Variants in MMP26 observed in about 807,000 individuals in gnomAD.
MMP26 encodes the protein matrix metalloproteinase-26.
A neutral mutation model predicts 31.0 loss-of-function variants in MMP26; 33 were observed. The observed-to-expected ratio is 1.06, with a 90% CI of 0.81 to 1.42. The LOEUF (loss-of-function observed/expected upper bound fraction) is 1.42. Ranked by LOEUF, MMP26 falls within the 40% of genes most tolerant of loss-of-function variation. MMP26 has a pLI of 0.00. For synonymous variants in MMP26, 122 were observed against 114.9 expected (o/e 1.06, Z -0.40); for missense variants, 347 against 316.1 (o/e 1.10, Z -0.74).
intron 2 of MMP26, among the ~76,000 whole-genome samples, chr11:4,952,752 T>G (rs1368969805): frequency 8.0e-6 from 1 of 125,264 alleles, no homozygotes; most frequent in Non-Finnish European, 1.8e-5. Context: ...TATAAAAAGC[T>G]GGGTCATTGT....
rs756743966 is a variant in MMP26 at position 4,882,868 on chromosome 11, G to T, written c.-144-105200G>T. ...GGGGTTTTAATGTGAGGGGTCTTAG[G>T]GGAAGATGGGATTGAAGGTAGGAAA... is the stretch of plus-strand genomic sequence containing the variant. On this transcript the variant is annotated intron_variant, in intron 2 of 7. Coordinates refer to ENST00000380390, the MANE Select transcript of MMP26 (RefSeq NM_021801.5). The T allele has an allele frequency of 1.2e-5, 20 of 1,612,128 alleles. 1 individual carries two copies. The highest frequency in any genetic ancestry group is 1.1e-4 in the East Asian group (5 of 44,792).
intron 2 of MMP26, chr11:4,804,081 G>T (rs1351439027): frequency 6.2e-7 from 1 of 1,614,116 alleles, no homozygotes; most frequent in South Asian, 1.1e-5. Flanking sequence ...CCTGGATGAG[G>T]CAGGCATGGT....
Position 4,864,276 on chromosome 11 carries a change from T to C in MMP26, c.-145+96935T>C, listed in dbSNP as rs11827453. Among the ~76,000 whole-genome samples, 1,019 of 152,310 alleles carry C rather than the reference T, an allele frequency of 6.7e-3. 8 individuals carry two copies. The highest frequency in any genetic ancestry group is 0.023 in the African/African-American group (966 of 41,576). ...TTTAATGTATTTCTCTGTAAGGATG[T>C]TTTGCATTAATGAGGTAATTCTTAA... On this transcript the variant is annotated intron_variant, in intron 2 of 7. Coordinates refer to ENST00000380390, the MANE Select transcript of MMP26 (RefSeq NM_021801.5).
chr11:4,924,493 A>G (rs1282622046), intron 2 of MMP26, among the ~76,000 whole-genome samples: 3 of 152,212 alleles, frequency 2.0e-5, no homozygotes, highest in Non-Finnish European at 4.4e-5. Context: ...GGGCTGATCT[A>G]TTAGCCTTTT....
rs775557340 is a variant in MMP26 at position 4,822,121 on chromosome 11, G to A, written c.-145+54780G>A. The A allele has an allele frequency of 8.7e-6, 14 of 1,612,610 alleles. 1 individual carries two copies. Among genetic ancestry groups the A allele is most frequent in the Non-Finnish European group, 1.2e-5 (14 of 1,179,864 alleles). On this transcript the variant is annotated intron_variant, in intron 2 of 7. Coordinates refer to ENST00000380390, the MANE Select transcript of MMP26 (RefSeq NM_021801.5). Reference sequence around the variant, plus strand: ...ATCTGTCCTCAGCATTGCTTCCTCAGAAGAGAGGCGGAAAGCCTTCAACAC... The same window carrying A: ...ATCTGTCCTCAGCATTGCTTCCTCAAAAGAGAGGCGGAAAGCCTTCAACAC...
chr11:4,852,771 G>T (rs1455272944), intron 2 of MMP26, among the ~76,000 whole-genome samples: 3 of 152,090 alleles, frequency 2.0e-5, no homozygotes, highest in African/African-American at 4.8e-5. Context: ...TCACTCCCGT[G>T]TCCATTGAAG....
chr11:4,878,250 T>C (rs1030029451), intron 2 of MMP26: 3 of 152,212 alleles, frequency 2.0e-5, no homozygotes, highest in East Asian at 1.9e-4. Flanking sequence ...TTCTGTTGTA[T>C]GTCATTTTTT....
chr11:4,969,252 C>G (rs569245678), intron 2 of MMP26, among the ~76,000 whole-genome samples: 1 of 152,024 alleles, frequency 6.6e-6, no homozygotes, highest in African/African-American at 2.4e-5. Context: ...TATTAATGAA[C>G]TCAAGTATAA....
At chr11:4,801,615 T>C (rs147438597) in intron 2 of MMP26, among the ~76,000 whole-genome samples, 2,872 of 151,908 alleles carry the variant, frequency 0.019, 99 homozygotes, top group African/African-American at 0.065. Flanking sequence ...TGATCTCTGC[T>C]CACCGCAACC....
intron 2 of MMP26, chr11:4,973,757 C>T (rs1243202497): frequency 6.2e-6 from 1 of 160,404 alleles, no homozygotes; most frequent in Non-Finnish European, 1.5e-5. Flanking sequence ...GGTACAATTC[C>T]CTAGGATAGC....
At chr11:4,775,848 A>G (rs1848785113) in intron 2 of MMP26, among the ~76,000 whole-genome samples, 2 of 152,140 alleles carry the variant, frequency 1.3e-5, no homozygotes, top group Non-Finnish European at 2.9e-5. Context: ...TGTTACATGC[A>G]TATATTGTAT....
chr11:4,953,190 T>C (rs1229093957), intron 2 of MMP26, among the ~76,000 whole-genome samples: 1 of 125,312 alleles, frequency 8.0e-6, no homozygotes, highest in African/African-American at 2.7e-5. Context: ...AAATAGACAA[T>C]TTAAGAAAAT....
intron 1 of MMP26, among the ~76,000 whole-genome samples, chr11:4,716,917 C>A (rs1847940587): frequency 6.6e-6 from 1 of 152,064 alleles, no homozygotes; most frequent in African/African-American, 2.4e-5. Context: ...CTGCCTCGGC[C>A]TCCCAAAGTG....
intron 2 of MMP26, among the ~76,000 whole-genome samples, chr11:4,910,842 A>C (rs547536624): frequency 7.2e-5 from 11 of 152,254 alleles, no homozygotes; most frequent in Admixed American, 7.2e-4. Context: ...ATAAAAAAAA[A>C]ACTGCTCATT....
chr11:4,718,830 C>T (rs1037822547), intron 1 of MMP26: 39 of 159,690 alleles, frequency 2.4e-4, no homozygotes, highest in African/African-American at 7.5e-4. Flanking sequence ...CCACTGACCT[C>T]GGCCTGTCCA....
chr11:4,790,132 G>A (rs1180884647), intron 2 of MMP26, among the ~76,000 whole-genome samples: 1 of 152,042 alleles, frequency 6.6e-6, no homozygotes, highest in African/African-American at 2.4e-5. Flanking sequence ...ACAAGGTCAG[G>A]AGATTGAGAC....
chr11:4,928,641 A>G (rs962793883), intron 2 of MMP26, among the ~76,000 whole-genome samples: 1 of 152,086 alleles, frequency 6.6e-6, no homozygotes, highest in African/African-American at 2.4e-5. Flanking sequence ...TCTGTCTCAG[A>G]TTTTTTAATT....
chr11:4,755,114 C>A (rs1848490194), intron 1 of MMP26, among the ~76,000 whole-genome samples: 1 of 151,908 alleles, frequency 6.6e-6, no homozygotes, highest in Non-Finnish European at 1.5e-5. Flanking sequence ...AGTTCACACA[C>A]CATGTCGCTA....
At chr11:4,803,288 C>G (rs949194400) in intron 2 of MMP26, 2 of 563,250 alleles carry the variant, frequency 3.6e-6, no homozygotes, top group South Asian at 3.3e-5. Context: ...AAAATTGTTT[C>G]TCTTGCCTCT....
Sources: gnomAD v4.1 joint callset for allele counts (sites outside exome capture counted in the v4.1 genomes callset) on GRCh38, gnomAD v4.1.1 for gene constraint, MANE v1.5 for transcripts, NCBI Gene and HGNC (gene_info 2026-07-23, HGNC 2026-07-21) for gene names.